RBFOX1: variants seen among roughly 807,000 people sequenced by gnomAD.
RBFOX1 encodes the protein RNA binding fox-1 homolog 1.
In RBFOX1, 8 loss-of-function variants were observed where a neutral mutation model predicts 57.7. That is an observed-to-expected ratio of 0.14 (90% CI 0.08 to 0.25). The LOEUF is 0.25. Among genes scored for constraint, RBFOX1 ranks in the 10% least tolerant of loss-of-function variants. The pLI is 1.00. For missense variants in RBFOX1, 611 were observed against 548.5 expected, an observed-to-expected ratio of 1.11 and a Z score of -1.14; for synonymous variants, 326 against 222.4, an observed-to-expected ratio of 1.47 and a Z score of -4.15.
chr16:6,772,373 T>C lies in RBFOX1; in HGVS notation c.-16+117723T>C, dbSNP rs146184944. On this transcript the variant is annotated intron_variant, in intron 3 of 15. Coordinates refer to ENST00000550418, the MANE Select transcript of RBFOX1 (RefSeq NM_018723.4). ...TTATTTATGCAGCAATGCAGCTGTC[T>C]GCTTCTTTGGAGGTGGGCACAGGCT... Among the ~76,000 whole-genome samples, 283 of 152,314 alleles carry C rather than the reference T, an allele frequency of 1.9e-3. 1 individual carries two copies. The Middle Eastern group carries it at 0.024, about 13-fold the overall frequency.
At chr16:7,320,207 A>G (rs936641913) in intron 4 of RBFOX1, among the ~76,000 whole-genome samples, 4 of 152,018 alleles carry the variant, frequency 2.6e-5, no homozygotes, top group African/African-American at 7.3e-5. Flanking sequence ...TTCATCAGCT[A>G]TTTATCCTGA....
At chr16:6,940,382 A>G (rs925508147) in intron 3 of RBFOX1, among the ~76,000 whole-genome samples, 28 of 152,128 alleles carry the variant, frequency 1.8e-4, no homozygotes, top group African/African-American at 6.5e-4. Flanking sequence ...CCATCCGACA[A>G]TTCCAGGAAC....
chr16:7,063,660 C>A (rs2153750163), intron 4 of RBFOX1, among the ~76,000 whole-genome samples: 1 of 152,284 alleles, frequency 6.6e-6, no homozygotes, highest in Non-Finnish European at 1.5e-5. Context: ...CTGTAGGTTT[C>A]ATATTTGCAG....
intron 3 of RBFOX1, among the ~76,000 whole-genome samples, chr16:5,633,000 A>G (rs947376609): frequency 7.5e-6 from 1 of 132,884 alleles, no homozygotes; most frequent in East Asian, 2.2e-4. Context: ...ATGCAGTGTT[A>G]TGATCTCAGC....
At chr16:6,944,976 C>G (rs994119109) in intron 3 of RBFOX1, among the ~76,000 whole-genome samples, 2 of 152,126 alleles carry the variant, frequency 1.3e-5, no homozygotes, top group Admixed American at 1.3e-4. Context: ...GTACTCTTTG[C>G]TCCTCCTGGG....
At chr16:5,514,952 G>T (rs1567181164) in intron 2 of RBFOX1, among the ~76,000 whole-genome samples, 2 of 152,176 alleles carry the variant, frequency 1.3e-5, no homozygotes, top group Admixed American at 6.5e-5. Context: ...TCTGCTTTTG[G>T]TCAGGACCTC....
chr16:6,490,593 C>T (rs772143005), intron 2 of RBFOX1, among the ~76,000 whole-genome samples: 3 of 152,134 alleles, frequency 2.0e-5, no homozygotes, highest in Non-Finnish European at 4.4e-5. Flanking sequence ...GATGATTAAG[C>T]ACAGCTTACA....
At chr16:7,227,290 A>C (rs140782131) in intron 4 of RBFOX1, among the ~76,000 whole-genome samples, 7,127 of 102,806 alleles carry the variant, frequency 0.069, 122 homozygotes, top group East Asian at 0.11. Flanking sequence ...ACCCCACCCC[A>C]CCCCCACACA....
chr16:5,241,812 G>A (rs555659819), intron 1 of RBFOX1, among the ~76,000 whole-genome samples: 2 of 152,142 alleles, frequency 1.3e-5, no homozygotes, highest in Non-Finnish European at 2.9e-5. Context: ...CAAGAGACAA[G>A]GTTCTTGGCC....
Position 6,063,572 on chromosome 16 carries a change from A to G in RBFOX1, c.-127+43580A>G, listed in dbSNP as rs150509888. ...ATTGTTCTGTTAACACCCACCACCA[A>G]AACTACATCCTGGGTCCTCTCCACA... is the stretch of plus-strand genomic sequence containing the variant. On this transcript the variant is annotated intron_variant, in intron 1 of 15. Transcript: ENST00000550418. 6.1e-3 allele frequency among the ~76,000 whole-genome samples: 927 copies of G among 151,712 alleles called. 8 individuals are homozygous for G. The highest frequency in any genetic ancestry group is 0.054 in the Middle Eastern group (16 of 294).
intron 4 of RBFOX1, among the ~76,000 whole-genome samples, chr16:7,137,540 G>C (rs1370137482): frequency 1.3e-5 from 2 of 152,144 alleles, no homozygotes; most frequent in Non-Finnish European, 2.9e-5. Flanking sequence ...GGCTTCCCCA[G>C]CCACGTGGAA....
intron 4 of RBFOX1, among the ~76,000 whole-genome samples, chr16:7,182,737 C>G (rs752893650): frequency 6.6e-6 from 1 of 152,148 alleles, no homozygotes; most frequent in African/African-American, 2.4e-5. Flanking sequence ...TTTCATTTCT[C>G]TTTGGAAATG....
chr16:7,273,200 CCCTCCCTTCCTT>C (rs769427711), intron 4 of RBFOX1, among the ~76,000 whole-genome samples: 1,673 of 53,358 alleles, frequency 0.031, 134 homozygotes, highest in East Asian at 0.089. Context: ...CTTCCTTCCT[CCCTCCCTTCCTT>C]CCTTCCTTCC....
chr16:6,476,656 A>G (rs2153087934), intron 2 of RBFOX1, among the ~76,000 whole-genome samples: 1 of 152,310 alleles, frequency 6.6e-6, no homozygotes, highest in Non-Finnish European at 1.5e-5. Context: ...TGTACTGGTC[A>G]GGGTGGTAGT....
chr16:7,290,750 G>A (rs1207882518), intron 4 of RBFOX1, among the ~76,000 whole-genome samples: 1 of 152,148 alleles, frequency 6.6e-6, no homozygotes, highest in Non-Finnish European at 1.5e-5. Context: ...TACAGGATGG[G>A]GGCGTGGAAG....
chr16:7,222,193 C>G (rs982408914), intron 4 of RBFOX1, among the ~76,000 whole-genome samples: 6 of 152,110 alleles, frequency 3.9e-5, no homozygotes, highest in African/African-American at 1.2e-4. Flanking sequence ...CACGACCACA[C>G]CAGAGGGCAG....
At chr16:6,577,827 A>G (rs898011450) in intron 2 of RBFOX1, among the ~76,000 whole-genome samples, 1 of 152,216 alleles carries the variant, frequency 6.6e-6, no homozygotes, top group Non-Finnish European at 1.5e-5. Context: ...CAGGAAAAAA[A>G]TAAACCAGAT....
chr16:6,416,013 T>C (rs1177594447), intron 2 of RBFOX1, among the ~76,000 whole-genome samples: 1 of 152,236 alleles, frequency 6.6e-6, no homozygotes, highest in African/African-American at 2.4e-5. Context: ...TCCTAAACTG[T>C]TGCTGCTGTT....
At chr16:7,610,444 C>T (rs920431335) in intron 10 of RBFOX1, among the ~76,000 whole-genome samples, 4 of 151,812 alleles carry the variant, frequency 2.6e-5, no homozygotes, top group Non-Finnish European at 5.9e-5. Context: ...CATGCTACTG[C>T]TCTGTGTGCA....
Sources: allele counts gnomAD v4.1 joint callset (sites outside exome capture counted in the v4.1 genomes callset), GRCh38; gene constraint gnomAD v4.1.1; transcripts MANE v1.5; gene names NCBI Gene and HGNC (gene_info 2026-07-23, HGNC 2026-07-21).